Variants in GATAD2B observed in about 807,000 individuals in gnomAD.
GATAD2B encodes the protein GATA zinc finger domain containing 2B.
In GATAD2B, 8 loss-of-function variants were observed where a neutral mutation model predicts 64.3. That is an observed-to-expected ratio of 0.12 (90% CI 0.07 to 0.22). The LOEUF (loss-of-function observed/expected upper bound fraction) is 0.22. Ranked by LOEUF, GATAD2B falls within the 10% of genes least tolerant of loss-of-function variation. The probability of loss-of-function intolerance (pLI) is 1.00; values close to 1 mark genes in which losing one functional copy is unlikely to be tolerated. For synonymous variants in GATAD2B, 281 were observed against 271.3 expected (o/e 1.04, Z -0.35); for missense variants, 453 against 752.0 (o/e 0.60, Z 4.65).
chr1:153,853,274 C>T (rs1675968967), intron 1 of GATAD2B: 2 of 935,804 alleles, frequency 2.1e-6, no homozygotes, highest in Non-Finnish European at 1.8e-6. Flanking sequence ...TGCCATCTCA[C>T]ACACAGACTT....
At chr1:153,829,934 C>T (rs1300512173) in intron 1 of GATAD2B, among the ~76,000 whole-genome samples, 2 of 151,878 alleles carry the variant, frequency 1.3e-5, no homozygotes, top group African/African-American at 2.4e-5. Context: ...ACCCTGTCTG[C>T]ACTAAAAATA....
chr1:153,844,301 T>C (rs548673712), intron 1 of GATAD2B, among the ~76,000 whole-genome samples: 1 of 151,922 alleles, frequency 6.6e-6, no homozygotes, highest in Non-Finnish European at 1.5e-5. Context: ...GTAGCCAGAT[T>C]AGAAAAACTC....
chr1:153,842,954 C>A (rs982068045), intron 1 of GATAD2B, among the ~76,000 whole-genome samples: 3 of 117,484 alleles, frequency 2.6e-5, no homozygotes, highest in East Asian at 2.5e-4. Context: ...CTCGCCCAGC[C>A]TTTTTTTTTT....
intron 1 of GATAD2B, chr1:153,852,271 T>C: frequency 2.5e-6 from 3 of 1,211,858 alleles, no homozygotes; most frequent in Non-Finnish European, 2.4e-6. Context: ...GATTCCTTCA[T>C]TTTCTGCAGC....
chr1:153,893,975 A>C (rs1221349071), intron 1 of GATAD2B, among the ~76,000 whole-genome samples: 1 of 151,104 alleles, frequency 6.6e-6, no homozygotes, highest in East Asian at 1.9e-4. Flanking sequence ...AAAAAAAAAA[A>C]AAAAAAACCC....
At chr1:153,819,057 G>A (rs1301118214) in intron 3 of GATAD2B, 135 bp from the exon 4 acceptor site, 1 of 854,922 alleles carries the variant, frequency 1.2e-6, no homozygotes, top group Non-Finnish European at 1.8e-6. Flanking sequence ...GATTATCTTT[G>A]TATCACTGGA....
Position 153,806,025 on chromosome 1 carries a change from C to T in GATAD2B, c.*4152G>A, listed in dbSNP as rs1049842736. 6.6e-6 allele frequency: 1 copy of T among 152,142 alleles called. No homozygotes were observed. Among genetic ancestry groups the T allele is most frequent in the Non-Finnish European group, 1.5e-5 (1 of 68,030 alleles). The allele number at this position is 152,142 out of a possible 1,614,324, so 9.4% of individuals were successfully genotyped here. On this transcript the variant is annotated 3_prime_UTR_variant, in exon 11 of 11. Coordinates refer to ENST00000368655, the MANE Select transcript of GATAD2B (RefSeq NM_020699.4). ...CCCCTGACAATCCACCCTCAAAGGC[C>T]CATAAGACTAGGTTCTTTCTTTTTT...
chr1:153,847,387 A>G (rs1675725436), intron 1 of GATAD2B, among the ~76,000 whole-genome samples: 1 of 152,158 alleles, frequency 6.6e-6, no homozygotes, highest in African/African-American at 2.4e-5. Context: ...ATAAGTAAAA[A>G]AGACCACATC....
At chr1:153,892,692 C>CT (rs144331770) in intron 1 of GATAD2B, among the ~76,000 whole-genome samples, 1,014 of 97,784 alleles carry the variant, frequency 0.01, 4 homozygotes, top group East Asian at 0.023. Context: ...TGTAAGAAAC[C>CT]TTTTTTTTTT....
At chr1:153,893,962 A>AAAAT (rs1473660764) in intron 1 of GATAD2B, among the ~76,000 whole-genome samples, 5 of 146,546 alleles carry the variant, frequency 3.4e-5, no homozygotes, top group Admixed American at 1.4e-4. Flanking sequence ...ATCTAAAAAA[A>AAAAT]AAAAAAAAAA....
chr1:153,846,352 C>T (rs767015895), intron 1 of GATAD2B, among the ~76,000 whole-genome samples: 5 of 151,952 alleles, frequency 3.3e-5, no homozygotes, highest in Middle Eastern at 3.2e-3. Flanking sequence ...TCTGCCTCAG[C>T]CTCCAAAGTA....
At chr1:153,871,025 AGT>A (rs973341277) in intron 1 of GATAD2B, among the ~76,000 whole-genome samples, 1 of 150,900 alleles carries the variant, frequency 6.6e-6, no homozygotes, top group African/African-American at 2.4e-5. Flanking sequence ...CAGCCTCTGG[AGT>A]AGCTGGGATT....
chr1:153,872,157 A>C (rs1317515924), intron 1 of GATAD2B, among the ~76,000 whole-genome samples: 7 of 151,322 alleles, frequency 4.6e-5, no homozygotes. Flanking sequence ...ATCTCTACTA[A>C]ACATATGAAA....
chr1:153,922,516 G>T (rs1239400094), intron 1 of GATAD2B, among the ~76,000 whole-genome samples: 2 of 144,220 alleles, frequency 1.4e-5, no homozygotes, highest in African/African-American at 5.1e-5. Flanking sequence ...GGAGCGCGAG[G>T]CGGGGGCGCG....
intron 1 of GATAD2B, among the ~76,000 whole-genome samples, chr1:153,896,821 A>G (rs1248514736): frequency 6.6e-6 from 1 of 152,192 alleles, no homozygotes; most frequent in Non-Finnish European, 1.5e-5. Flanking sequence ...AGATCATGCT[A>G]TATTCTGCTA....
At position 153,858,738 on chromosome 1, in the gene GATAD2B, G is replaced by T. The variant is rs1182679549; in HGVS notation, c.-1-30390C>A. On this transcript the variant is annotated intron_variant, in intron 1 of 10. Coordinates refer to ENST00000368655, the MANE Select transcript of GATAD2B (RefSeq NM_020699.4). ...AAGGCAAGACCCTATCTCCAAAAAA[G>T]AAAAGAGAAACAATCAAATTGCATA... 2.0e-5 allele frequency among the ~76,000 whole-genome samples: 3 copies of T among 151,984 alleles called. No individual in the cohort carries two copies. In the East Asian group the frequency reaches 5.8e-4, roughly 29 times the overall value.
At chr1:153,902,702 C>T (rs909601396) in intron 1 of GATAD2B, among the ~76,000 whole-genome samples, 3 of 152,120 alleles carry the variant, frequency 2.0e-5, no homozygotes, top group Admixed American at 6.6e-5. Context: ...GCAGTCCTCC[C>T]ACCTCAGCCT....
chr1:153,816,581 C>T lies in GATAD2B; in HGVS notation c.908G>A (p.Ser303Asn), dbSNP rs746890210. The T allele has an allele frequency of 3.7e-6, 6 of 1,607,140 alleles. No homozygotes were observed. Among genetic ancestry groups the T allele is most frequent in the Admixed American group, 3.3e-5 (2 of 59,964 alleles). ...TGTACGCTGACATGGAACAGAAGAA[C>T]TTGACTGCTGAAATAGATTGAGAAT... ...NPAINYQPQSSSSVPCQRTTS... is the reference protein window; with the variant it reads ...NPAINYQPQSNSSVPCQRTTS... The change falls in exon 7 of 11, where the codon AGT (serine) becomes AAT (asparagine). Residue 303 changes from serine to asparagine, a missense_variant. Ser to Asn is a conservative substitution (Grantham distance 46). Around this residue, in one of 2 missense-constraint regions of GATAD2B, gnomAD observed 293 missense variants for 417.2 expected, o/e 0.70. Coordinates refer to ENST00000368655, the MANE Select transcript of GATAD2B (RefSeq NM_020699.4). This position sits in a 1 kb window ranked among gnomAD's most constrained non-coding sequence, Gnocchi z 4.9.
intron 1 of GATAD2B, among the ~76,000 whole-genome samples, chr1:153,830,470 T>TTTTAC (rs1192063202): frequency 7.3e-6 from 1 of 136,462 alleles, no homozygotes; most frequent in Non-Finnish European, 1.6e-5. Context: ...TTTTATTTTA[T>TTTTAC]TTTATTTATT....
Sources: allele counts gnomAD v4.1 joint callset (sites outside exome capture counted in the v4.1 genomes callset), GRCh38; gene constraint gnomAD v4.1.1; regional missense constraint gnomAD v4.1.1; non-coding constraint Gnocchi (gnomAD v3.1); transcripts MANE v1.5; gene names NCBI Gene and HGNC (gene_info 2026-07-23, HGNC 2026-07-21).